SOX5: variants seen among roughly 807,000 people sequenced by gnomAD.
The protein encoded by SOX5 is SRY-box transcription factor 5, also known as transcription factor SOX-5.
A neutral mutation model predicts 92.0 loss-of-function variants in SOX5; 9 were observed. The observed-to-expected ratio is 0.10, with a 90% CI of 0.06 to 0.17. SOX5 has a LOEUF of 0.17. Among genes scored for constraint, SOX5 ranks in the 10% least tolerant of loss-of-function variants. The probability of loss-of-function intolerance (pLI) is 1.00; values close to 1 mark genes in which losing one functional copy is unlikely to be tolerated. For synonymous variants in SOX5, 344 were observed against 336.3 expected (o/e 1.02, Z -0.25); for missense variants, 642 against 944.5 (o/e 0.68, Z 4.20).
At chr12:23,818,858 G>A (rs1427415929) in intron 3 of SOX5, among the ~76,000 whole-genome samples, 2 of 151,708 alleles carry the variant, frequency 1.3e-5, no homozygotes, top group African/African-American at 4.8e-5. Context: ...GGGACTACAC[G>A]GGGCCAGAAT....
chr12:23,640,636 C>T (rs982520472), intron 8 of SOX5, among the ~76,000 whole-genome samples, 176 bp downstream of exon 8: 4 of 152,038 alleles, frequency 2.6e-5, no homozygotes, highest in Admixed American at 2.0e-4. Context: ...GAAAACAGGG[C>T]TAAAAATTAA....
At chr12:23,665,764 G>A (rs892123733) in intron 6 of SOX5, among the ~76,000 whole-genome samples, 200 bp from the exon 7 acceptor site, 1 of 152,106 alleles carries the variant, frequency 6.6e-6, no homozygotes, top group African/African-American at 2.4e-5. Flanking sequence ...GAGCTGAAAG[G>A]TATTATTAAG....
chr12:23,807,947 C>T (rs564506473), intron 3 of SOX5, among the ~76,000 whole-genome samples: 1 of 152,160 alleles, frequency 6.6e-6, no homozygotes, highest in South Asian at 2.1e-4. Context: ...TGCATCTGGA[C>T]AAAAATTCCA....
intron 4 of SOX5, among the ~76,000 whole-genome samples, chr12:23,957,765 C>G (rs138761855): frequency 6.6e-6 from 1 of 151,958 alleles, no homozygotes; most frequent in Non-Finnish European, 1.5e-5. Flanking sequence ...ATATAATATA[C>G]GCATTACCAA....
intron 1 of SOX5, among the ~76,000 whole-genome samples, chr12:24,498,800 A>G (rs1329719773): frequency 1.3e-5 from 2 of 152,060 alleles, no homozygotes; most frequent in Admixed American, 1.3e-4. Context: ...TCCATACACA[A>G]TCTGGCCTCT....
chr12:24,003,382 G>A (rs973378609), intron 4 of SOX5, among the ~76,000 whole-genome samples: 1 of 151,696 alleles, frequency 6.6e-6, no homozygotes, highest in African/African-American at 2.4e-5. Flanking sequence ...CTTTCTTCTC[G>A]GGGTGTTTGA....
At chr12:23,855,908 G>A (rs1038585556) in intron 2 of SOX5, among the ~76,000 whole-genome samples, 1 of 151,966 alleles carries the variant, frequency 6.6e-6, no homozygotes, top group African/African-American at 2.4e-5. Context: ...AAGAGCTAAA[G>A]ACCTATTTTT....
intron 3 of SOX5, among the ~76,000 whole-genome samples, chr12:23,843,595 G>T (rs2096543018): frequency 1.0e-5 from 1 of 99,248 alleles, no homozygotes; most frequent in Non-Finnish European, 1.8e-5. Context: ...ACAGAGTCTC[G>T]CTCTGTTGCC....
chr12:24,205,423 A>C (rs1290564385), intron 4 of SOX5, among the ~76,000 whole-genome samples: 1 of 152,182 alleles, frequency 6.6e-6, no homozygotes, highest in Non-Finnish European at 1.5e-5. Context: ...ACAATCATAC[A>C]AGGCTCGTGT....
chr12:23,668,539 G>C (rs771603854), intron 6 of SOX5, among the ~76,000 whole-genome samples: 2 of 152,104 alleles, frequency 1.3e-5, no homozygotes, highest in East Asian at 1.9e-4. Context: ...ACTTGGTATA[G>C]GGTTAGTAAT....
chr12:24,124,788 C>T (rs891313456), intron 4 of SOX5, among the ~76,000 whole-genome samples: 3 of 152,132 alleles, frequency 2.0e-5, no homozygotes, highest in African/African-American at 7.2e-5. Flanking sequence ...AGGGGTTATT[C>T]AGCCTTTATT....
chr12:23,992,728 T>C (rs1950679173), intron 4 of SOX5, among the ~76,000 whole-genome samples: 1 of 152,176 alleles, frequency 6.6e-6, no homozygotes, highest in Admixed American at 6.5e-5. Flanking sequence ...GTCCATTTTT[T>C]ATAACACAGT....
chr12:24,043,081 GA>G (rs1569518856), intron 4 of SOX5, among the ~76,000 whole-genome samples: 1 of 152,136 alleles, frequency 6.6e-6, no homozygotes, highest in African/African-American at 2.4e-5. Flanking sequence ...AGCCAATTTT[GA>G]GGTTCATATT....
At chr12:24,076,873 C>T (rs1484089139) in intron 4 of SOX5, among the ~76,000 whole-genome samples, 1 of 151,544 alleles carries the variant, frequency 6.6e-6, no homozygotes, top group Non-Finnish European at 1.5e-5. Context: ...TACTGAGAAC[C>T]TTTTATATAC....
At chr12:24,257,123 A>C (rs1311586920) in intron 3 of SOX5, among the ~76,000 whole-genome samples, 3 of 152,232 alleles carry the variant, frequency 2.0e-5, no homozygotes, top group Non-Finnish European at 4.4e-5. Flanking sequence ...CCAGACACCT[A>C]ATAAATGGAA....
intron 1 of SOX5, among the ~76,000 whole-genome samples, chr12:24,480,167 C>A (rs545759398): frequency 3.0e-4 from 46 of 152,196 alleles, no homozygotes; most frequent in African/African-American, 8.4e-4. Flanking sequence ...GAAAAAAAGA[C>A]AATCACTTCA....
chr12:23,775,316 TC>T (rs780135438), intron 3 of SOX5, among the ~76,000 whole-genome samples: 6 of 152,200 alleles, frequency 3.9e-5, no homozygotes, highest in Non-Finnish European at 7.4e-5. Flanking sequence ...AACATTAACA[TC>T]ATCTCCTCAG....
chr12:24,145,440 T>A (rs192692061), intron 4 of SOX5, among the ~76,000 whole-genome samples: 14 of 152,270 alleles, frequency 9.2e-5, no homozygotes, highest in Admixed American at 1.3e-4. Flanking sequence ...GAAACTCTAG[T>A]TTAAATATAA....
At chr12:24,241,296 T>C (rs1182015012) in intron 3 of SOX5, among the ~76,000 whole-genome samples, 1 of 152,206 alleles carries the variant, frequency 6.6e-6, no homozygotes, top group African/African-American at 2.4e-5. Context: ...ATATAGATAA[T>C]GAGATTTTAA....
Sources: allele counts gnomAD v4.1 joint callset (sites outside exome capture counted in the v4.1 genomes callset), GRCh38; gene constraint gnomAD v4.1.1; transcripts MANE v1.5; gene names NCBI Gene and HGNC (gene_info 2026-07-23, HGNC 2026-07-21).